The following MGAT5 variants were observed in gnomAD, a reference collection of about 807,000 sequenced individuals.
The protein encoded by MGAT5 is alpha-1,6-mannosylglycoprotein 6-beta-N-acetylglucosaminyltransferase A.
MGAT5 carries 30 observed loss-of-function variants against 94.3 expected under a neutral mutation model. That is an observed-to-expected ratio of 0.32 (90% CI 0.24 to 0.43). The LOEUF (loss-of-function observed/expected upper bound fraction) is 0.43, where lower values mean the gene tolerates loss of function less well. MGAT5 is among the 20% of genes least tolerant of loss of function. MGAT5 has a pLI of 1.00. For synonymous variants in MGAT5, 310 were observed against 322.9 expected (o/e 0.96, Z 0.43); for missense variants, 691 against 905.5 (o/e 0.76, Z 3.04).
In MGAT5 at chr2:134,450,674, GGCCTCTGCCCTGAGCATCATCACAGGGGC is replaced by G. The variant is rs2106455278; in HGVS notation, c.*1833_*1861del. 1 of 152,294 alleles carries G rather than the reference GGCCTCTGCCCTGAGCATCATCACAGGGGC, an allele frequency of 6.6e-6. No homozygotes were observed. Among genetic ancestry groups the G allele is most frequent in the East Asian group, 1.9e-4 (1 of 5,148 alleles). 9.4% of individuals were successfully genotyped at this position (152,294 alleles called of 1,614,324 possible). ...TCTGCCAGGTAGAGTACCATGGGGAGGCCTCTGCCCTGAGCATCATCACAGGGGCGCCTCCAGACCTGGCTGAGAATAGC... is the reference window on the plus strand; with the variant it reads ...TCTGCCAGGTAGAGTACCATGGGGAGGCCTCCAGACCTGGCTGAGAATAGC... On this transcript the variant is annotated 3_prime_UTR_variant, in exon 16 of 16. Transcript: ENST00000281923.
chr2:134,133,939 T>G (rs1686291471), intron 1 of MGAT5, among the ~76,000 whole-genome samples: 1 of 152,132 alleles, frequency 6.6e-6, no homozygotes, highest in Admixed American at 6.5e-5. Context: ...AAAAAGACCT[T>G]ATGATACTAC....
intron 1 of MGAT5, among the ~76,000 whole-genome samples, chr2:134,141,526 G>A (rs988476674): frequency 5.9e-5 from 9 of 151,944 alleles, no homozygotes; most frequent in African/African-American, 1.9e-4. Context: ...GTGGCTGGAT[G>A]GGTAGATGAA....
intron 3 of MGAT5, among the ~76,000 whole-genome samples, chr2:134,317,823 A>G (rs1687087773): frequency 6.6e-6 from 1 of 152,138 alleles, no homozygotes; most frequent in African/African-American, 2.4e-5. Flanking sequence ...CTCACTGGTC[A>G]GCATGAGAGA....
chr2:134,150,232 G>T (rs1315487943), intron 1 of MGAT5, among the ~76,000 whole-genome samples: 2 of 152,190 alleles, frequency 1.3e-5, no homozygotes, highest in Admixed American at 1.3e-4. Context: ...CGTCTTGATA[G>T]TAGTGTGTTT....
At chr2:134,185,414 C>G (rs1408119952) in intron 1 of MGAT5, among the ~76,000 whole-genome samples, 1 of 152,288 alleles carries the variant, frequency 6.6e-6, no homozygotes, top group South Asian at 2.1e-4. Flanking sequence ...GAGCTGATTA[C>G]TTTGCTGATT....
At chr2:134,339,174 A>G (rs2105993574) in intron 6 of MGAT5, among the ~76,000 whole-genome samples, 1 of 152,332 alleles carries the variant, frequency 6.6e-6, no homozygotes, top group Middle Eastern at 3.4e-3. Flanking sequence ...AGTTTTGCCT[A>G]GATCTCTTGA....
chr2:134,218,622 C>T (rs11685213), intron 1 of MGAT5, among the ~76,000 whole-genome samples: 1 of 152,102 alleles, frequency 6.6e-6, no homozygotes, highest in Non-Finnish European at 1.5e-5. Context: ...CTGCTTGGTT[C>T]TAAGAAGGAA....
intron 1 of MGAT5, chr2:134,231,168 G>C (rs541948674): frequency 1.3e-5 from 2 of 152,248 alleles, no homozygotes; most frequent in South Asian, 4.1e-4. Context: ...GGTTTCTTTT[G>C]GGTATGATAA....
At chr2:134,364,555 G>C (rs909584608) in intron 10 of MGAT5, among the ~76,000 whole-genome samples, 2 of 152,192 alleles carry the variant, frequency 1.3e-5, no homozygotes, top group East Asian at 3.8e-4. Context: ...GATCTGGAGT[G>C]AGATTTAGAA....
At chr2:134,359,900 G>A (rs887953189) in intron 9 of MGAT5, among the ~76,000 whole-genome samples, 6 of 152,182 alleles carry the variant, frequency 3.9e-5, no homozygotes, top group Admixed American at 2.6e-4. Flanking sequence ...ACACTGGGCC[G>A]GTAGTTACTT....
intron 4 of MGAT5, among the ~76,000 whole-genome samples, chr2:134,329,667 A>G (rs1427730854): frequency 3.3e-5 from 5 of 152,068 alleles, no homozygotes; most frequent in African/African-American, 1.2e-4. Context: ...TAGCATGATA[A>G]TTAGCCTTTC....
intron 1 of MGAT5, among the ~76,000 whole-genome samples, chr2:134,128,852 G>A (rs961841458): frequency 1.3e-5 from 2 of 152,130 alleles, no homozygotes; most frequent in East Asian, 1.9e-4. Flanking sequence ...GTCTCTCTTA[G>A]TGCTCACAGT....
rs1200155323 is a variant in MGAT5, at chr2:134,449,175, CAGG to C, written c.*333_*335del. The C allele has an allele frequency of 7.3e-6, 2 of 273,872 alleles. No homozygotes were observed. Among genetic ancestry groups the C allele is most frequent in the African/African-American group, 4.8e-5 (2 of 41,792 alleles). 17.0% of individuals were successfully genotyped at this position (273,872 alleles called of 1,614,324 possible). On this transcript the variant is annotated 3_prime_UTR_variant, in exon 16 of 16. Transcript: ENST00000281923. ...GTCTCAAGAGTCCTTTAAAACAAAA[CAGG>C]AGGAATTGAGCTGATGGGAAAGAAC...
chr2:134,399,359 A>G (rs1682903251), intron 10 of MGAT5, among the ~76,000 whole-genome samples: 1 of 152,202 alleles, frequency 6.6e-6, no homozygotes, highest in African/African-American at 2.4e-5. Context: ...CTGGTTCTGA[A>G]CATGTACCTG....
At chr2:134,305,870 G>A (rs1335756313) in intron 2 of MGAT5, among the ~76,000 whole-genome samples, 1 of 151,996 alleles carries the variant, frequency 6.6e-6, no homozygotes, top group Non-Finnish European at 1.5e-5. Context: ...TATCACCTTA[G>A]GCCCCCAACT....
chr2:134,258,303 C>T (rs1468562876), intron 1 of MGAT5, among the ~76,000 whole-genome samples: 2 of 152,218 alleles, frequency 1.3e-5, no homozygotes, highest in East Asian at 3.8e-4. Flanking sequence ...TCAGCAGTCA[C>T]CATGGTTATT....
At chr2:134,205,282 G>T (rs1679973206) in intron 1 of MGAT5, among the ~76,000 whole-genome samples, 1 of 152,218 alleles carries the variant, frequency 6.6e-6, no homozygotes, top group Non-Finnish European at 1.5e-5. Context: ...TAGCCCTGCG[G>T]AGGGTGGGGC....
chr2:134,413,989 T>G (rs550890382), intron 12 of MGAT5, among the ~76,000 whole-genome samples: 2 of 152,334 alleles, frequency 1.3e-5, no homozygotes, highest in Admixed American at 1.3e-4. Flanking sequence ...CCTTGACAAT[T>G]TATAGAACTG....
chr2:134,150,091 T>G (rs568511662), intron 1 of MGAT5, among the ~76,000 whole-genome samples: 1 of 151,806 alleles, frequency 6.6e-6, no homozygotes, highest in South Asian at 2.1e-4. Flanking sequence ...TGAGAATGGG[T>G]GGGGGTGAGG....
Sources: gnomAD v4.1 joint callset for allele counts (sites outside exome capture counted in the v4.1 genomes callset) on GRCh38, gnomAD v4.1.1 for gene constraint, MANE v1.5 for transcripts, NCBI Gene and HGNC (gene_info 2026-07-23, HGNC 2026-07-21) for gene names.